The following CPEB3 variants were observed in gnomAD, a reference collection of about 807,000 sequenced individuals.
CPEB3 encodes cytoplasmic polyadenylation element-binding protein 3.
A neutral mutation model predicts 67.2 loss-of-function variants in CPEB3; 20 were observed. The ratio of observed to expected loss-of-function variants is 0.30; its 90% confidence interval spans 0.21 to 0.43. The LOEUF (loss-of-function observed/expected upper bound fraction) is 0.43, where lower values mean the gene tolerates loss of function less well. Among genes scored for constraint, CPEB3 ranks in the 20% least tolerant of loss-of-function variants. CPEB3 has a pLI of 1.00. For synonymous variants in CPEB3, 376 were observed against 393.1 expected (o/e 0.96, Z 0.51); for missense variants, 746 against 968.6 (o/e 0.77, Z 3.05).
intron 4 of CPEB3, among the ~76,000 whole-genome samples, chr10:92,152,104 T>C (rs1846993866): frequency 6.6e-6 from 1 of 152,238 alleles, no homozygotes; most frequent in Non-Finnish European, 1.5e-5. Context: ...GATCAGATTC[T>C]CTTTCCTTCC....
intron 2 of CPEB3, among the ~76,000 whole-genome samples, chr10:92,204,783 C>A (rs1386580915): frequency 6.6e-6 from 1 of 151,122 alleles, no homozygotes; most frequent in East Asian, 1.9e-4. Flanking sequence ...GATTAAATAA[C>A]CAAAATAAAC....
chr10:92,195,775 C>G (rs992443188), intron 2 of CPEB3, among the ~76,000 whole-genome samples: 7 of 152,042 alleles, frequency 4.6e-5, no homozygotes, highest in African/African-American at 1.7e-4. Context: ...AGGTAGATAA[C>G]AATATACCCA....
At chr10:92,253,554 C>T (rs1852397863) in intron 1 of CPEB3, among the ~76,000 whole-genome samples, 1 of 148,268 alleles carries the variant, frequency 6.7e-6, no homozygotes. Flanking sequence ...ACATGTTATA[C>T]AGTACTTCCA....
chr10:92,203,676 C>A (rs896460662), intron 2 of CPEB3, among the ~76,000 whole-genome samples: 16 of 151,858 alleles, frequency 1.1e-4, no homozygotes, highest in Admixed American at 3.9e-4. Context: ...AAGTGCTTGG[C>A]CTCCCAAAGT....
chr10:92,175,864 C>T (rs1214964556), intron 4 of CPEB3, among the ~76,000 whole-genome samples: 3 of 151,910 alleles, frequency 2.0e-5, no homozygotes, highest in African/African-American at 2.4e-5. Flanking sequence ...CCATGGCAGA[C>T]GGATTGCCTG....
chr10:92,135,626 A>G (rs760489235), intron 6 of CPEB3, among the ~76,000 whole-genome samples: 4 of 152,238 alleles, frequency 2.6e-5, no homozygotes, highest in Non-Finnish European at 5.9e-5. Context: ...ATCTAGAACT[A>G]GAAATACCAT....
At chr10:92,187,284 A>G (rs912104007) in intron 3 of CPEB3, among the ~76,000 whole-genome samples, 2 of 152,326 alleles carry the variant, frequency 1.3e-5, no homozygotes, top group Non-Finnish European at 2.9e-5. Flanking sequence ...CTCTCAGCAT[A>G]CTTTCGAAAA....
rs575974939 is a variant in CPEB3, at chr10:92,089,577, G to A, written c.1687+2253C>T. The stretch of plus-strand genomic sequence containing the variant: ...CGAGGCGGGTGAATCATGAGGTCAG[G>A]AGTTTGAAACCAGCCTGGCCAACAT... On this transcript the variant is annotated intron_variant, in intron 8 of 9. Coordinates refer to ENST00000265997, the MANE Select transcript of CPEB3 (RefSeq NM_014912.5). Among the ~76,000 whole-genome samples, 7 of 152,250 alleles carry A rather than the reference G, an allele frequency of 4.6e-5. No homozygotes were observed. The South Asian group carries it at 8.3e-4, about 18-fold the overall frequency.
rs1851766903 is a variant in CPEB3, at chr10:92,240,138, C to T, written c.213G>A (p.Met71Ile). 1 of 1,569,036 alleles carries T rather than the reference C, an allele frequency of 6.4e-7. No individual in the cohort carries two copies. The highest frequency in any genetic ancestry group is 8.6e-7 in the Non-Finnish European group (1 of 1,156,706). Reference sequence around the variant, plus strand: ...CTGGCAGGAGCGGTGATTCCATCTGCATCTTGTCCGGGCCGTTGGGGGCCG... The same window carrying T: ...CTGGCAGGAGCGGTGATTCCATCTGTATCTTGTCCGGGCCGTTGGGGGCCG... ...APPAPNGPDK[M>I]QMESPLLPGL... is the part of the protein sequence containing the mutation. The change falls in exon 2 of 10, where the codon ATG becomes ATA. Residue 71 changes from methionine (M) to isoleucine (I), a missense_variant. Physicochemically the swap from Met to Ile is conservative, Grantham distance 10. Coordinates refer to ENST00000265997, the MANE Select transcript of CPEB3 (RefSeq NM_014912.5).
chr10:92,110,748 G>A (rs1366445389), intron 7 of CPEB3, among the ~76,000 whole-genome samples: 1 of 152,154 alleles, frequency 6.6e-6, no homozygotes, highest in East Asian at 1.9e-4. Context: ...TTCTTGATCT[G>A]AAATAATGAC....
chr10:92,231,225 T>G (rs1438254755), intron 2 of CPEB3, among the ~76,000 whole-genome samples: 2 of 152,178 alleles, frequency 1.3e-5, no homozygotes, highest in Non-Finnish European at 2.9e-5. Context: ...GTCACCCTAA[T>G]ATACAAAGTG....
chr10:92,238,519 C>T (rs1472030717), intron 2 of CPEB3, among the ~76,000 whole-genome samples: 1 of 151,964 alleles, frequency 6.6e-6, no homozygotes, highest in East Asian at 1.9e-4. Context: ...ATTTTCTTAA[C>T]CCAACTGATG....
chr10:92,118,846 C>T (rs1417667672), intron 6 of CPEB3: 2 of 784,136 alleles, frequency 2.6e-6, no homozygotes, highest in African/African-American at 1.7e-5. Context: ...GGTCTCTTCC[C>T]ATGGCAATGG....
At chr10:92,100,185 C>A (rs539929065) in intron 7 of CPEB3, among the ~76,000 whole-genome samples, 7 of 152,244 alleles carry the variant, frequency 4.6e-5, no homozygotes, top group African/African-American at 1.2e-4. Context: ...AGAGAAAACA[C>A]AATTTTTTGT....
chr10:92,051,970 A>G lies in CPEB3; in HGVS notation c.*242T>C. ...TAAAAAATTAAGGTACCAAGCAGAC[A>G]AAGGTGTGAATCAAAGTGCAAATCA... On this transcript the variant is annotated 3_prime_UTR_variant, in exon 10 of 10. Transcript: ENST00000265997. 1 of 423,804 alleles carries G rather than the reference A, an allele frequency of 2.4e-6. No homozygotes were observed. The highest frequency in any genetic ancestry group is 3.9e-5 in the Admixed American group (1 of 25,640). 26.3% of individuals were successfully genotyped at this position (423,804 alleles called of 1,614,324 possible). A position where few individuals can be genotyped will look rare whatever the true frequency, so the allele number is the denominator to read the frequency against.
intron 2 of CPEB3, among the ~76,000 whole-genome samples, chr10:92,206,798 G>A (rs1006033168): frequency 9.9e-5 from 15 of 151,936 alleles, no homozygotes; most frequent in South Asian, 6.2e-4. Context: ...TAAGTAAACC[G>A]TTTCCCCAAA....
intron 9 of CPEB3, among the ~76,000 whole-genome samples, chr10:92,052,813 C>T (rs903665066): frequency 6.6e-6 from 1 of 152,170 alleles, no homozygotes; most frequent in Non-Finnish European, 1.5e-5. Context: ...CGTCAAAGCG[C>T]ATGAGCTGAA....
intron 6 of CPEB3, among the ~76,000 whole-genome samples, chr10:92,120,928 T>C (rs1845338906): frequency 6.6e-6 from 1 of 152,180 alleles, no homozygotes; most frequent in Non-Finnish European, 1.5e-5. Context: ...CTCAAACTCC[T>C]GACCTCAGGT....
chr10:92,224,199 A>T (rs1449050219), intron 2 of CPEB3, among the ~76,000 whole-genome samples: 2 of 152,070 alleles, frequency 1.3e-5, no homozygotes, highest in African/African-American at 4.8e-5. Flanking sequence ...CGTGCCCCTG[A>T]TTGTTGCTTA....
Sources: gnomAD v4.1 joint callset for allele counts (sites outside exome capture counted in the v4.1 genomes callset) on GRCh38, gnomAD v4.1.1 for gene constraint, MANE v1.5 for transcripts, NCBI Gene and HGNC (gene_info 2026-07-23, HGNC 2026-07-21) for gene names.